ANTXR2: variants seen among roughly 807,000 people sequenced by gnomAD.
ANTXR2 encodes the protein anthrax toxin receptor 2.
Under a neutral mutation model 73.7 loss-of-function variants are expected in ANTXR2, and 44 were observed. The observed-to-expected ratio is 0.60, with a 90% CI of 0.47 to 0.77. The LOEUF (loss-of-function observed/expected upper bound fraction) is 0.77. Among genes scored for constraint, ANTXR2 ranks in the 30% least tolerant of loss-of-function variants. The probability of loss-of-function intolerance (pLI) is 0.00; values close to 1 mark genes in which losing one functional copy is unlikely to be tolerated. For missense variants in ANTXR2, 604 were observed against 592.5 expected, an observed-to-expected ratio of 1.02 and a Z score of -0.20; for synonymous variants, 217 against 205.9, an observed-to-expected ratio of 1.05 and a Z score of -0.46.
intron 10 of ANTXR2, 62 bp from the exon 11 acceptor site, chr4:80,019,038 T>C: frequency 8.8e-7 from 1 of 1,136,220 alleles, no homozygotes; most frequent in Admixed American, 3.4e-5. Context: ...AGGAGATTTT[T>C]ATTTCCTTAT....
In ANTXR2 at chr4:80,071,609, T is replaced by G; in HGVS notation, c.198A>C (p.Val66=). Residue 66 remains valine, a synonymous_variant, in exon 2 of 17, where the codon GTA becomes GTC. Transcript: ENST00000403729. ...TCACAAATCTCTCCGCAAGTTGCTG[T>G]ACGAAATTATAAATTTCAATCCAGT... is the stretch of plus-strand genomic sequence containing the variant. ...ANNWIEIYNF[V]QQLAERFVSP... is the part of the protein sequence containing the mutation. 6.2e-7 allele frequency: 1 copy of G among 1,613,296 alleles called. No individual in the cohort carries two copies. Among genetic ancestry groups the G allele is most frequent in the South Asian group, 1.1e-5 (1 of 91,058 alleles).
At chr4:79,975,741 C>T (rs141196244) in intron 16 of ANTXR2, among the ~76,000 whole-genome samples, 1 of 152,016 alleles carries the variant, frequency 6.6e-6, no homozygotes, top group Non-Finnish European at 1.5e-5. Flanking sequence ...AACAGAACTC[C>T]AGATCACAGA....
chr4:79,993,253 G>GACATAACACCT (rs1730557019), intron 12 of ANTXR2, among the ~76,000 whole-genome samples: 1 of 151,090 alleles, frequency 6.6e-6, no homozygotes, highest in Non-Finnish European at 1.5e-5. Flanking sequence ...GAGAAAAGGA[G>GACATAACACCT]GGAGGAAGGG....
In ANTXR2 at chr4:80,070,450, T is replaced by C. The variant is rs190869342; in HGVS notation, c.225-943A>G. ...AAATCTACATGACACCCTTTTCACA[T>C]TGAAGGATTAAATTAGAAAATTTAT... On this transcript the variant is annotated intron_variant, in intron 2 of 16. Transcript: ENST00000403729. Among the ~76,000 whole-genome samples, 711 of 152,304 alleles carry C rather than the reference T, an allele frequency of 4.7e-3. 9 individuals are homozygous for C. The highest frequency in any genetic ancestry group is 0.037 in the Admixed American group (561 of 15,300).
intron 12 of ANTXR2, among the ~76,000 whole-genome samples, chr4:79,994,474 T>C (rs1212802013): frequency 3.3e-5 from 5 of 152,032 alleles, no homozygotes; most frequent in African/African-American, 2.4e-5. Flanking sequence ...ATAATACATC[T>C]GAACTCATTT....
chr4:79,932,557 C>T (rs1240387091), intron 16 of ANTXR2, among the ~76,000 whole-genome samples: 1 of 151,656 alleles, frequency 6.6e-6, no homozygotes, highest in African/African-American at 2.4e-5. Context: ...CTTTGGGAGG[C>T]GAGGCGGGTG....
rs1734841930 is a variant in ANTXR2, at chr4:80,072,399, G to T, written c.152+10C>A. The stretch of plus-strand genomic sequence containing the variant: ...CACCAGGAGACCCTGGACCTCCCTC[G>T]CACACTCACTTGTCCAGGACGAAGT... On this transcript the variant is annotated intron_variant, in intron 1 of 16. Coordinates refer to ENST00000403729, the MANE Select transcript of ANTXR2 (RefSeq NM_058172.6). 1 of 1,586,024 alleles carries T rather than the reference G, an allele frequency of 6.3e-7. No homozygotes were observed. The highest frequency in any genetic ancestry group is 1.1e-5 in the South Asian group (1 of 87,890).
chr4:79,917,026 T>C (rs998168989), intron 16 of ANTXR2, among the ~76,000 whole-genome samples: 9 of 152,198 alleles, frequency 5.9e-5, no homozygotes, highest in African/African-American at 1.9e-4. Context: ...ATGTAAATGT[T>C]TGACTTTTGA....
intron 16 of ANTXR2, among the ~76,000 whole-genome samples, chr4:79,956,290 C>A (rs942665184): frequency 2.0e-5 from 3 of 151,874 alleles, no homozygotes; most frequent in Non-Finnish European, 4.4e-5. Context: ...AGTTGATAAC[C>A]CAGGCACCAG....
rs113397708 is a variant in ANTXR2, at chr4:80,066,936, G to A, written c.296+2500C>T. Among the ~76,000 whole-genome samples, 428 of 151,992 alleles carry A rather than the reference G, an allele frequency of 2.8e-3. 5 individuals are homozygous for A. The highest frequency in any genetic ancestry group is 9.7e-3 in the African/African-American group (403 of 41,458). ...CTTCTGGTGAGGTGCAGTGGCTCAC[G>A]CCTGTAATCCTAGCACTTTGGGAGG... On this transcript the variant is annotated intron_variant, in intron 3 of 16. Coordinates refer to ENST00000403729, the MANE Select transcript of ANTXR2 (RefSeq NM_058172.6).
intron 8 of ANTXR2, among the ~76,000 whole-genome samples, chr4:80,033,927 A>C (rs868035498): frequency 6.6e-6 from 1 of 152,040 alleles, no homozygotes; most frequent in South Asian, 2.1e-4. Context: ...AGGGGGAAAA[A>C]ACTTTGTTTT....
rs1246485243 is a variant in ANTXR2 at position 79,906,802 on chromosome 4, G to C, written c.*627C>G. ...TGCTACCAATACCTTGAGGCATCTT[G>C]TCTACATTTTGTCATGCGTGTGCAC... On this transcript the variant is annotated 3_prime_UTR_variant, in exon 17 of 17. Coordinates refer to ENST00000403729, the MANE Select transcript of ANTXR2 (RefSeq NM_058172.6). 1 of 152,722 alleles carries C rather than the reference G, an allele frequency of 6.5e-6. No homozygotes were observed. The highest frequency in any genetic ancestry group is 1.5e-5 in the Non-Finnish European group (1 of 68,124). 9.5% of individuals were successfully genotyped at this position (152,722 alleles called of 1,614,324 possible). A position where few individuals can be genotyped will look rare whatever the true frequency, so the allele number is the denominator to read the frequency against.
At chr4:80,070,314 G>A (rs1397821363) in intron 2 of ANTXR2, among the ~76,000 whole-genome samples, 1 of 152,196 alleles carries the variant, frequency 6.6e-6, no homozygotes, top group Non-Finnish European at 1.5e-5. Flanking sequence ...CTAGGCTTGA[G>A]CCAGACAACT....
At chr4:80,071,474 A>T in intron 2 of ANTXR2, 109 bp downstream of exon 2, 1 of 913,740 alleles carries the variant, frequency 1.1e-6, no homozygotes, top group Non-Finnish European at 1.8e-6. Context: ...TGAGGCACTT[A>T]AAAGTAACAT....
At chr4:79,984,731 C>CAAAA in intron 13 of ANTXR2, 88 bp downstream of exon 13, 1 of 1,147,676 alleles carries the variant, frequency 8.7e-7, no homozygotes, top group Non-Finnish European at 1.3e-6. Context: ...TCATAGTTAT[C>CAAAA]TAACAGACAA....
chr4:79,951,311 G>A (rs1462975534), intron 16 of ANTXR2, among the ~76,000 whole-genome samples: 1 of 152,224 alleles, frequency 6.6e-6, no homozygotes, highest in African/African-American at 2.4e-5. Flanking sequence ...TGGGCGTGGT[G>A]GCTCATGCCT....
chr4:79,933,731 G>GTTTT (rs201263531), intron 16 of ANTXR2, among the ~76,000 whole-genome samples: 47 of 41,958 alleles, frequency 1.1e-3, no homozygotes, highest in East Asian at 6.6e-3. Context: ...GCCCTGGTGT[G>GTTTT]TTTGTTTTTT....
chr4:80,032,537 T>C (rs542273697), intron 9 of ANTXR2, among the ~76,000 whole-genome samples: 1 of 151,990 alleles, frequency 6.6e-6, no homozygotes, highest in East Asian at 1.9e-4. Context: ...GCTAAGATCC[T>C]TACCATTTTA....
In ANTXR2 at chr4:79,993,758, A is replaced by ACGCGCGCG. The variant is rs745424355; in HGVS notation, c.1042-8896_1042-8895insCGCGCGCG. ...CTGGCAATACACCACACACACACAC[A>ACGCGCGCG]CGCACACACACACACACACACACAC... On this transcript the variant is annotated intron_variant, in intron 12 of 16. Coordinates refer to ENST00000403729, the MANE Select transcript of ANTXR2 (RefSeq NM_058172.6). Among the ~76,000 whole-genome samples the ACGCGCGCG allele has an allele frequency of 6.2e-5, 9 of 144,874 alleles. No homozygotes were observed. The South Asian group carries it at 6.4e-4, about 10-fold the overall frequency.
Sources: gnomAD v4.1 joint callset for allele counts (sites outside exome capture counted in the v4.1 genomes callset) on GRCh38, gnomAD v4.1.1 for gene constraint, MANE v1.5 for transcripts, NCBI Gene and HGNC (gene_info 2026-07-23, HGNC 2026-07-21) for gene names.